PHAX: variants seen among roughly 807,000 people sequenced by gnomAD.
PHAX encodes phosphorylated adapter RNA export protein.
PHAX carries 31 observed loss-of-function variants against 41.6 expected under a neutral mutation model. The observed-to-expected ratio is 0.75, with a 90% CI of 0.56 to 1.01. The LOEUF (loss-of-function observed/expected upper bound fraction) is 1.01. PHAX is among the 50% of genes least tolerant of loss of function. The pLI, the probability that PHAX is intolerant of heterozygous loss-of-function variation, is 0.00. For synonymous variants in PHAX, 175 were observed against 164.9 expected (o/e 1.06, Z -0.47); for missense variants, 453 against 472.9 (o/e 0.96, Z 0.39).
At chr5:126,607,131 A>C (rs1752002231) in intron 2 of PHAX, among the ~76,000 whole-genome samples, 1 of 152,228 alleles carries the variant, frequency 6.6e-6, no homozygotes, top group Non-Finnish European at 1.5e-5. Context: ...AGAGTAATGC[A>C]GGTGGTAGGA....
At position 126,608,401 on chromosome 5, in the gene PHAX, G is replaced by C. The variant is rs753395186; in HGVS notation, c.748G>C (p.Val250Leu). 1 of 1,613,750 alleles carries C rather than the reference G, an allele frequency of 6.2e-7. No individual in the cohort carries two copies. Residue 250 changes from valine to leucine, a missense_variant, in exon 3 of 5, where the codon GTG (valine) becomes CTG (leucine). Physicochemically the swap from Val to Leu is conservative, Grantham distance 32. Transcript: ENST00000297540. ...AAAGAAAGACCTGATAGCCCGAGTA[G>C]TGAGGATTATTGGTAACAAAAAGGC... ...EPKKDLIARV[V>L]RIIGNKKAIE...
At chr5:126,618,168 G>A (rs1752217129) in intron 4 of PHAX, among the ~76,000 whole-genome samples, 1 of 152,098 alleles carries the variant, frequency 6.6e-6, no homozygotes, top group Non-Finnish European at 1.5e-5. Context: ...CTGGAACTCT[G>A]GGCTCTAGTG....
At chr5:126,601,900 C>G (rs1270385153) in intron 1 of PHAX, among the ~76,000 whole-genome samples, 1 of 152,208 alleles carries the variant, frequency 6.6e-6, no homozygotes, top group Non-Finnish European at 1.5e-5. Context: ...CTCCTGACCT[C>G]AAGTGATCGG....
chr5:126,607,114 C>T (rs1377974422), intron 2 of PHAX, among the ~76,000 whole-genome samples: 2 of 152,150 alleles, frequency 1.3e-5, no homozygotes, highest in Non-Finnish European at 2.9e-5. Flanking sequence ...AAAACAGATA[C>T]GGTTCAAGAG....
intron 3 of PHAX, among the ~76,000 whole-genome samples, chr5:126,612,948 T>C (rs1272981471): frequency 6.6e-6 from 1 of 152,182 alleles, no homozygotes; most frequent in Non-Finnish European, 1.5e-5. Flanking sequence ...TTTAGCCAGT[T>C]TGAAGAGCAA....
chr5:126,600,982 A>G lies in PHAX; in HGVS notation c.20A>G (p.Asp7Gly). 1 of 1,604,230 alleles carries G rather than the reference A, an allele frequency of 6.2e-7. No homozygotes were observed. Among genetic ancestry groups the G allele is most frequent in the South Asian group, 1.1e-5 (1 of 90,648 alleles). Reference sequence around the variant, plus strand: ...GGGAAGATGGCGTTGGAGGTCGGCGATATGGAAGATGGGCAGCTTTCCGAC... The same window carrying G: ...GGGAAGATGGCGTTGGAGGTCGGCGGTATGGAAGATGGGCAGCTTTCCGAC... The part of the protein sequence containing the change: MALEVG[D>G]MEDGQLSDSD... Residue 7 changes from aspartate to glycine, a missense_variant, in exon 1 of 5, where the codon GAT (aspartate) becomes GGT (glycine). Asp to Gly is a moderately conservative substitution (Grantham distance 94). Coordinates refer to ENST00000297540, the MANE Select transcript of PHAX (RefSeq NM_032177.4).
chr5:126,601,930 G>T (rs1751909994), intron 1 of PHAX, among the ~76,000 whole-genome samples: 1 of 152,204 alleles, frequency 6.6e-6, no homozygotes, highest in Non-Finnish European at 1.5e-5. Flanking sequence ...GCCTCCAAAA[G>T]TGCTGAGATT....
intron 3 of PHAX, among the ~76,000 whole-genome samples, chr5:126,608,990 T>C (rs1408928227): frequency 1.3e-5 from 2 of 151,286 alleles, no homozygotes; most frequent in African/African-American, 4.9e-5. Flanking sequence ...TTTTTGCAGT[T>C]AGTACTTCCC....
At chr5:126,623,192 G>T (rs540953409) in intron 4 of PHAX, among the ~76,000 whole-genome samples, 4 of 152,188 alleles carry the variant, frequency 2.6e-5, no homozygotes, top group African/African-American at 7.2e-5. Flanking sequence ...GGATGCTGAG[G>T]CGGGAGGATT....
At chr5:126,601,741 A>G (rs1482679136) in intron 1 of PHAX, among the ~76,000 whole-genome samples, 2 of 151,994 alleles carry the variant, frequency 1.3e-5, no homozygotes, top group Non-Finnish European at 2.9e-5. Context: ...ATCTCGGCTC[A>G]CTGCAACCTC....
intron 2 of PHAX, among the ~76,000 whole-genome samples, chr5:126,607,062 T>C (rs1325791327): frequency 6.6e-6 from 1 of 152,226 alleles, no homozygotes; most frequent in Admixed American, 6.6e-5. Flanking sequence ...AATTAACATT[T>C]TCATTAGCTC....
chr5:126,617,795 G>T (rs1314606293), intron 4 of PHAX, among the ~76,000 whole-genome samples: 1 of 152,040 alleles, frequency 6.6e-6, no homozygotes, highest in East Asian at 1.9e-4. Context: ...TTTATTCTTT[G>T]TAGAGACGGG....
intron 3 of PHAX, among the ~76,000 whole-genome samples, chr5:126,608,902 A>G (rs1752032611): frequency 6.6e-6 from 1 of 150,824 alleles, no homozygotes; most frequent in Non-Finnish European, 1.5e-5. Context: ...GCACCCTTGC[A>G]CTCCATCCTG....
intron 1 of PHAX, among the ~76,000 whole-genome samples, chr5:126,601,873 C>A (rs960879559): frequency 6.6e-6 from 1 of 152,152 alleles, no homozygotes; most frequent in African/African-American, 2.4e-5. Flanking sequence ...CACCATGTTG[C>A]CCAGGCTGGT....
At chr5:126,613,976 A>G (rs1330981090) in intron 3 of PHAX, among the ~76,000 whole-genome samples, 2 of 151,966 alleles carry the variant, frequency 1.3e-5, no homozygotes, top group African/African-American at 4.8e-5. Context: ...GGGTTTCACC[A>G]TGTTGCCCAG....
At position 126,626,372 on chromosome 5, in the gene PHAX, T is replaced by A. The variant is rs1752351711; in HGVS notation, c.*1528T>A. On this transcript the variant is annotated 3_prime_UTR_variant, in exon 5 of 5. Coordinates refer to ENST00000297540, the MANE Select transcript of PHAX (RefSeq NM_032177.4). The stretch of plus-strand genomic sequence containing the variant: ...ACTCTGGGAGGCTGAGACAGGTAGA[T>A]CATTTGAGGTCAGGAGTTCAAAACC... 1 of 152,112 alleles carries A rather than the reference T, an allele frequency of 6.6e-6. No individual in the cohort carries two copies. Among genetic ancestry groups the A allele is most frequent in the Admixed American group, 6.5e-5 (1 of 15,270 alleles). 9.4% of individuals were successfully genotyped at this position (152,112 alleles called of 1,614,324 possible). A position where few individuals can be genotyped will look rare whatever the true frequency, so the allele number is the denominator to read the frequency against.
intron 4 of PHAX, among the ~76,000 whole-genome samples, chr5:126,618,110 C>T (rs1395041615): frequency 6.6e-6 from 1 of 151,906 alleles, no homozygotes; most frequent in Non-Finnish European, 1.5e-5. Flanking sequence ...TATGCCATTA[C>T]ACCCAGCTAA....
chr5:126,616,293 A>T (rs1409202353), intron 3 of PHAX, among the ~76,000 whole-genome samples: 1 of 152,092 alleles, frequency 6.6e-6, no homozygotes, highest in East Asian at 1.9e-4. Context: ...GGGTTTCACC[A>T]TGTTGTTGAC....
chr5:126,602,889 C>T (rs1751925943), intron 1 of PHAX, among the ~76,000 whole-genome samples: 1 of 151,948 alleles, frequency 6.6e-6, no homozygotes, highest in Non-Finnish European at 1.5e-5. Context: ...CCTGTAGTCC[C>T]AGCTACTCCG....
Sources: gnomAD v4.1 joint callset for allele counts (sites outside exome capture counted in the v4.1 genomes callset) on GRCh38, gnomAD v4.1.1 for gene constraint, MANE v1.5 for transcripts, NCBI Gene and HGNC (gene_info 2026-07-23, HGNC 2026-07-21) for gene names.